GAS6: variants seen among roughly 807,000 people sequenced by gnomAD.
The protein encoded by GAS6 is growth arrest specific 6.
A neutral mutation model predicts 75.8 loss-of-function variants in GAS6; 41 were observed. That is an observed-to-expected ratio of 0.54 (90% CI 0.42 to 0.70). The LOEUF is 0.70. Ranked by LOEUF, GAS6 falls within the 30% of genes least tolerant of loss-of-function variation. The pLI, the probability that GAS6 is intolerant of heterozygous loss-of-function variation, is 0.00. For synonymous variants in GAS6, 432 were observed against 412.6 expected (o/e 1.05, Z -0.57); for missense variants, 854 against 940.2 (o/e 0.91, Z 1.20).
intron 8 of GAS6, 96 bp from the exon 9 acceptor site, chr13:113,832,848 T>G (rs2051647177): frequency 1.3e-6 from 2 of 1,586,620 alleles, no homozygotes; most frequent in African/African-American, 2.7e-5. Flanking sequence ...CCACTGTCCC[T>G]CCTGTGCCTC....
At chr13:113,847,119 G>C in intron 3 of GAS6, 2 of 385,066 alleles carry the variant, frequency 5.2e-6, no homozygotes, top group Non-Finnish European at 5.3e-6. Flanking sequence ...TGTGCAGAAC[G>C]GTGCGGGGCC....
At position 113,820,751 on chromosome 13, in the gene GAS6, T is replaced by C; in HGVS notation, c.*113A>G. On this transcript the variant is annotated 3_prime_UTR_variant, in exon 15 of 15. Coordinates refer to ENST00000327773, the MANE Select transcript of GAS6 (RefSeq NM_000820.4). ...TTTACAGATATGTTACAGGCCGGGA[T>C]GGTCACAGAGGAAAGCCCAGCTCTC... 8.4e-7 allele frequency: 1 copy of C among 1,190,800 alleles called. No homozygotes were observed. Among genetic ancestry groups the C allele is most frequent in the Non-Finnish European group, 1.2e-6 (1 of 866,098 alleles). The allele number at this position is 1,190,800 out of a possible 1,614,324, so 73.8% of individuals were successfully genotyped here.
chr13:113,838,627 T>G (rs1180082588), intron 5 of GAS6, among the ~76,000 whole-genome samples: 5 of 63,824 alleles, frequency 7.8e-5, no homozygotes, highest in Non-Finnish European at 8.3e-5. Flanking sequence ...AGCCCGGGGG[T>G]GCACAGCCCA....
Position 113,863,476 on chromosome 13 carries a change from G to T in GAS6, c.255+99C>A. ...TGGGACCCTGAGGCCAGGCCTCGCC[G>T]CGCGGAGCTGGGGGGCGGCAGCAGC... is the stretch of plus-strand genomic sequence containing the variant. On this transcript the variant is annotated intron_variant, in intron 2 of 14. Coordinates refer to ENST00000327773, the MANE Select transcript of GAS6 (RefSeq NM_000820.4). The surrounding 1 kb of genome is among the most constrained non-coding windows in gnomAD (Gnocchi z 9.4). The T allele has an allele frequency of 8.2e-7, 1 of 1,226,520 alleles. No homozygotes were observed. 76.0% of individuals were successfully genotyped at this position (1,226,520 alleles called of 1,614,324 possible).
chr13:113,846,407 G>T lies in GAS6; in HGVS notation c.343+120C>A, dbSNP rs1040545577. The T allele has an allele frequency of 1.7e-5, 13 of 775,738 alleles. No individual in the cohort carries two copies. The African/African-American group carries it at 2.1e-4, about 13-fold the overall frequency. The allele number at this position is 775,738 out of a possible 1,614,324, so 48.1% of individuals were successfully genotyped here. On this transcript the variant is annotated intron_variant, in intron 4 of 14. Transcript: ENST00000327773. ...TTTGGCGAAAAGGGAGCAGGCCTCGGCAAGGGACCACAGCTCCTTAAAAAA... is the reference window on the plus strand; with the variant it reads ...TTTGGCGAAAAGGGAGCAGGCCTCGTCAAGGGACCACAGCTCCTTAAAAAA...
At chr13:113,836,935 GGA>G (rs2051723585) in intron 6 of GAS6, among the ~76,000 whole-genome samples, 2 of 141,068 alleles carry the variant, frequency 1.4e-5, no homozygotes, top group Non-Finnish European at 3.2e-5. Context: ...AGGAAGATGG[GGA>G]GGAGGAGGAG....
intron 4 of GAS6, chr13:113,841,927 C>G (rs1411079530): frequency 6.8e-6 from 1 of 146,504 alleles, no homozygotes; most frequent in Non-Finnish European, 1.5e-5. Flanking sequence ...CTCCATACGC[C>G]CCCCAGTTTC....
chr13:113,836,017 A>G (rs1014740738), intron 6 of GAS6: 203 of 1,022,392 alleles, frequency 2.0e-4, no homozygotes, highest in Non-Finnish European at 2.3e-4. Flanking sequence ...CCCAACCCCA[A>G]AGAGAAGCAT....
chr13:113,853,339 CG>C (rs1244683103), intron 2 of GAS6, among the ~76,000 whole-genome samples: 6 of 152,200 alleles, frequency 3.9e-5, no homozygotes, highest in Admixed American at 1.3e-4. Context: ...ATTAAGGGCA[CG>C]GCCCGACCTG....
chr13:113,827,212 C>T (rs1198016416), intron 11 of GAS6, 48 bp from the exon 12 acceptor site: 1 of 1,591,104 alleles, frequency 6.3e-7, no homozygotes, highest in Non-Finnish European at 8.6e-7. Context: ...CGAGAAGCCC[C>T]ATGCCGGATG....
At chr13:113,827,620 C>T (rs766969439) in intron 11 of GAS6, among the ~76,000 whole-genome samples, 36 of 149,446 alleles carry the variant, frequency 2.4e-4, no homozygotes, top group African/African-American at 4.6e-4. Flanking sequence ...CCGAAGGTCC[C>T]GGCACCAGGC....
Position 113,835,537 on chromosome 13 carries a change from T to C in GAS6, c.688A>G (p.Ser230Gly), listed in dbSNP as rs745987522. 5.6e-6 allele frequency: 9 copies of C among 1,612,490 alleles called. No homozygotes were observed. In the Admixed American group the frequency reaches 1.5e-4, roughly 27 times the overall value. Residue 230 changes from serine (S) to glycine (G), a missense_variant, in exon 7 of 15, where the codon AGC (serine) becomes GGC (glycine). By Grantham distance (56) the Ser-to-Gly change is moderately conservative (BLOSUM62 0). Transcript: ENST00000327773. ...SCLCDEGFAY[S>G]SQEKACRDVD... ...CCTCGGCAAGCCTTCTCCTGGGAGC[T>C]GTACGCAAAGCCCTCGTCACAGAGG...
At chr13:113,842,644 G>C (rs2051798406) in intron 4 of GAS6, 1 of 397,188 alleles carries the variant, frequency 2.5e-6, no homozygotes, top group Admixed American at 4.4e-5. Context: ...GGGGGCAGGA[G>C]GGAGTCAGAC....
rs896603361 is a variant in GAS6 at position 113,848,006 on chromosome 13, G to C, written c.280+20C>G. 1.2e-6 allele frequency: 2 copies of C among 1,609,996 alleles called. No individual in the cohort carries two copies. Among genetic ancestry groups the C allele is most frequent in the Non-Finnish European group, 1.7e-6 (2 of 1,177,000 alleles). On this transcript the variant is annotated intron_variant, in intron 3 of 14. Transcript: ENST00000327773. The surrounding 1 kb of genome is among the most constrained non-coding windows in gnomAD (Gnocchi z 4.8). ...CTATGCCTCTACGACAACCAGAGTA[G>C]AGAAGTAATTGAGACTTACCTAAGT...
intron 12 of GAS6, among the ~76,000 whole-genome samples, chr13:113,826,517 TTCTCTCCCCGGCCTCCCGGCGCC>T (rs2051545912): frequency 1.7e-5 from 2 of 115,186 alleles, no homozygotes; most frequent in African/African-American, 3.2e-5. Context: ...CGCAGGCACC[TTCTCTCCCCGGCCTCCCGGCGCC>T]GGCCTCGCAG....
At position 113,864,050 on chromosome 13, in the gene GAS6, G is replaced by GGCT. The variant is rs1443028480; in HGVS notation, c.-133_-131dup. On this transcript the variant is annotated 5_prime_UTR_variant, in exon 1 of 15. Coordinates refer to ENST00000327773, the MANE Select transcript of GAS6 (RefSeq NM_000820.4). ...ACATCGCGGCGGCGGCGGCGGCGGCGGCTGCGGCACCTCAAGCGCTCGGTC... is the reference window on the plus strand; with the variant it reads ...ACATCGCGGCGGCGGCGGCGGCGGCGGCTGCTGCGGCACCTCAAGCGCTCGGTC... The GGCT allele has an allele frequency of 2.2e-6, 2 of 914,258 alleles. No homozygotes were observed. Among genetic ancestry groups the GGCT allele is most frequent in the Non-Finnish European group, 2.6e-6 (2 of 761,942 alleles). The allele number at this position is 914,258 out of a possible 1,614,324, so 56.6% of individuals were successfully genotyped here. A position where few individuals can be genotyped will look rare whatever the true frequency, so the allele number is the denominator to read the frequency against.
intron 2 of GAS6, among the ~76,000 whole-genome samples, chr13:113,853,699 T>C (rs2051893063): frequency 6.6e-6 from 1 of 152,214 alleles, no homozygotes; most frequent in African/African-American, 2.4e-5. Flanking sequence ...CCTTTGACCA[T>C]AGTGCTGTCT....
At chr13:113,857,196 T>C (rs965038533) in intron 2 of GAS6, among the ~76,000 whole-genome samples, 8 of 152,202 alleles carry the variant, frequency 5.3e-5, no homozygotes, top group African/African-American at 1.2e-4. Context: ...CCCAGAAAAT[T>C]AGTAGAACAT....
chr13:113,834,449 A>T, intron 8 of GAS6, 102 bp downstream of exon 8: 1 of 1,248,780 alleles, frequency 8.0e-7, no homozygotes, highest in East Asian at 2.8e-5. Context: ...CCAACACCTT[A>T]GCAAAGGCCA....
Sources: gnomAD v4.1 joint callset for allele counts (sites outside exome capture counted in the v4.1 genomes callset) on GRCh38, gnomAD v4.1.1 for gene constraint, Gnocchi (gnomAD v3.1) non-coding constraint, MANE v1.5 for transcripts, NCBI Gene and HGNC (gene_info 2026-07-23, HGNC 2026-07-21) for gene names.